The following COL5A1 variants were observed in gnomAD, a reference collection of about 807,000 sequenced individuals.
COL5A1 encodes the protein collagen alpha-1(V) chain.
Under a neutral mutation model 263.7 loss-of-function variants are expected in COL5A1, and 16 were observed. The ratio of observed to expected loss-of-function variants is 0.06; its 90% confidence interval spans 0.04 to 0.09. The LOEUF is 0.09. Among genes scored for constraint, COL5A1 ranks in the 10% least tolerant of loss-of-function variants. The pLI, the probability that COL5A1 is intolerant of heterozygous loss-of-function variation, is 1.00. For synonymous variants in COL5A1, 1,012 were observed against 1,004.5 expected, an observed-to-expected ratio of 1.01 and a Z score of -0.14; for missense variants, 2,036 against 2,540.5, an observed-to-expected ratio of 0.80 and a Z score of 4.27.
At position 134,844,751 on chromosome 9, in the gene COL5A1, A is replaced by G. The variant is rs1185196425; in HGVS notation, c.*2448A>G. On this transcript the variant is annotated 3_prime_UTR_variant, in exon 66 of 66. Coordinates refer to ENST00000371817, the MANE Select transcript of COL5A1 (RefSeq NM_000093.5). ...AAGTTTTAACTGTAATGCCCAGGAA[A>G]GGATATCTTAAAATATTCTAAACTT... The G allele has an allele frequency of 6.6e-6, 1 of 152,262 alleles. No homozygotes were observed. Among genetic ancestry groups the G allele is most frequent in the African/African-American group, 2.4e-5 (1 of 41,478 alleles). 9.4% of individuals were successfully genotyped at this position (152,262 alleles called of 1,614,324 possible).
chr9:134,671,659 G>T (rs904579119), intron 1 of COL5A1, among the ~76,000 whole-genome samples: 1 of 152,216 alleles, frequency 6.6e-6, no homozygotes, highest in Non-Finnish European at 1.5e-5. Context: ...CACACATCTG[G>T]ACGAGTGCGT....
intron 30 of COL5A1, 80 bp from the exon 31 acceptor site, chr9:134,785,915 G>C: frequency 7.5e-7 from 1 of 1,334,610 alleles, no homozygotes; most frequent in East Asian, 2.4e-5. Flanking sequence ...CTGCCAGAAC[G>C]CATGTCCTTT....
At chr9:134,786,075 C>G in intron 31 of COL5A1, 27 bp downstream of exon 31, 2 of 1,594,400 alleles carry the variant, frequency 1.3e-6, no homozygotes, top group Non-Finnish European at 1.7e-6. Context: ...TTAGGTGTCC[C>G]GGGACAGGCG....
intron 18 of COL5A1, among the ~76,000 whole-genome samples, chr9:134,760,485 ACACACAC>A: frequency 8.7e-6 from 1 of 114,428 alleles, no homozygotes; most frequent in Non-Finnish European, 1.8e-5. Flanking sequence ...ACACACATGC[ACACACAC>A]CACACATGCA....
In COL5A1 at chr9:134,680,370, G is replaced by A. The variant is rs1209823133; in HGVS notation, c.110-10542G>A. On this transcript the variant is annotated intron_variant, in intron 1 of 65. Coordinates refer to ENST00000371817, the MANE Select transcript of COL5A1 (RefSeq NM_000093.5). The surrounding 1 kb of genome is among the most constrained non-coding windows in gnomAD (Gnocchi z 5.9). ...CTGTTGACAGACAAGCTGGGCAGGTGGGCAGAGTCATTTTTACAAAGGTTG... is the reference window on the plus strand; with the variant it reads ...CTGTTGACAGACAAGCTGGGCAGGTAGGCAGAGTCATTTTTACAAAGGTTG... Among the ~76,000 whole-genome samples, 1 of 152,216 alleles carries A rather than the reference G, an allele frequency of 6.6e-6. No homozygotes were observed. The highest frequency in any genetic ancestry group is 2.4e-5 in the African/African-American group (1 of 41,446).
chr9:134,673,282 G>A (rs565260011), intron 1 of COL5A1, among the ~76,000 whole-genome samples: 1 of 152,308 alleles, frequency 6.6e-6, no homozygotes, highest in African/African-American at 2.4e-5. Flanking sequence ...AAGCTATAGT[G>A]ATGAAGACAG....
At chr9:134,710,837 T>G (rs1834013866) in intron 4 of COL5A1, among the ~76,000 whole-genome samples, 2 of 63,128 alleles carry the variant, frequency 3.2e-5, no homozygotes, top group African/African-American at 7.1e-5. Flanking sequence ...ATCTGTTGGG[T>G]GCAGTGGTGG....
At chr9:134,744,608 C>T (rs1036093639) in intron 11 of COL5A1, among the ~76,000 whole-genome samples, 1 of 151,932 alleles carries the variant, frequency 6.6e-6, no homozygotes, top group African/African-American at 2.4e-5. Context: ...CTCACCCACA[C>T]CTGCACACAC....
intron 4 of COL5A1, among the ~76,000 whole-genome samples, chr9:134,713,672 G>T (rs1444975606): frequency 6.6e-6 from 1 of 152,242 alleles, no homozygotes; most frequent in Non-Finnish European, 1.5e-5. Context: ...AAACTTAGGG[G>T]TTTGTGGGTG....
At chr9:134,840,334 T>C (rs1839984497) in intron 65 of COL5A1, among the ~76,000 whole-genome samples, 1 of 152,066 alleles carries the variant, frequency 6.6e-6, no homozygotes, top group Non-Finnish European at 1.5e-5. Context: ...AAGTGGACAT[T>C]AGGAGGTGAA....
chr9:134,664,671 G>A (rs939533850), intron 1 of COL5A1, among the ~76,000 whole-genome samples: 1 of 152,274 alleles, frequency 6.6e-6, no homozygotes, highest in African/African-American at 2.4e-5. Flanking sequence ...GAGAACAGAA[G>A]CTGAGAGTCT....
At chr9:134,830,352 C>T (rs1403085247) in intron 64 of COL5A1, 6 of 653,528 alleles carry the variant, frequency 9.2e-6, no homozygotes, top group Non-Finnish European at 1.6e-5. Context: ...CAGCCCCCGC[C>T]ACCCTGACAA....
At position 134,753,839 on chromosome 9, in the gene COL5A1, T is replaced by A. The variant is rs863223444; in HGVS notation, c.1720-11T>A. ...CTCGAGCAGACATTAACACACACCATGTCTCCCTAGGGTCCCCCTGGGAGC... is the reference window on the plus strand; with the variant it reads ...CTCGAGCAGACATTAACACACACCAAGTCTCCCTAGGGTCCCCCTGGGAGC... On this transcript the variant is annotated splice_polypyrimidine_tract_variant and intron_variant, in intron 14 of 65. Transcript: ENST00000371817. 7.3e-7 allele frequency: 1 copy of A among 1,374,830 alleles called. No homozygotes were observed. Among genetic ancestry groups the A allele is most frequent in the Non-Finnish European group, 9.7e-7 (1 of 1,029,968 alleles). 85.2% of individuals were successfully genotyped at this position (1,374,830 alleles called of 1,614,324 possible). A position where few individuals can be genotyped will look rare whatever the true frequency, so the allele number is the denominator to read the frequency against.
intron 37 of COL5A1, among the ~76,000 whole-genome samples, chr9:134,798,991 G>A (rs1460534051): frequency 1.3e-5 from 2 of 152,206 alleles, no homozygotes; most frequent in African/African-American, 4.8e-5. Context: ...GGCCCTTCCA[G>A]CTCCAATCCA....
chr9:134,650,200 A>T (rs1188233491), intron 1 of COL5A1, among the ~76,000 whole-genome samples: 8 of 152,162 alleles, frequency 5.3e-5, no homozygotes, highest in African/African-American at 1.9e-4. Flanking sequence ...AAATTTTTTT[A>T]AATGTGTGTA....
intron 18 of COL5A1, among the ~76,000 whole-genome samples, chr9:134,759,805 T>C (rs1417931479): frequency 3.3e-5 from 2 of 60,968 alleles, no homozygotes; most frequent in East Asian, 1.1e-3. Flanking sequence ...ACACCACACA[T>C]GCACACACGC....
chr9:134,769,842 G>T (rs34456636), intron 25 of COL5A1, among the ~76,000 whole-genome samples: 125 of 152,178 alleles, frequency 8.2e-4, no homozygotes, highest in Admixed American at 8.5e-4. Context: ...GAGGAAGGGG[G>T]CCTGGGTGTG....
chr9:134,790,344 A>C (rs1588552416), intron 32 of COL5A1, among the ~76,000 whole-genome samples: 2 of 140,742 alleles, frequency 1.4e-5, no homozygotes, highest in African/African-American at 2.7e-5. Context: ...CCATCCACCC[A>C]CCCACCAACC....
At chr9:134,658,110 T>G (rs578155558) in intron 1 of COL5A1, among the ~76,000 whole-genome samples, 1 of 152,028 alleles carries the variant, frequency 6.6e-6, no homozygotes, top group Non-Finnish European at 1.5e-5. Flanking sequence ...GGGTCTTTTC[T>G]CAGCCTCAGT....
Sources: allele counts gnomAD v4.1 joint callset (sites outside exome capture counted in the v4.1 genomes callset), GRCh38; gene constraint gnomAD v4.1.1; non-coding constraint Gnocchi (gnomAD v3.1); transcripts MANE v1.5; gene names NCBI Gene and HGNC (gene_info 2026-07-23, HGNC 2026-07-21).